Variants in DDHD1 observed in about 807,000 individuals in gnomAD.
DDHD1 encodes the protein phospholipase DDHD1.
A neutral mutation model predicts 96.4 loss-of-function variants in DDHD1; 49 were observed. The ratio of observed to expected loss-of-function variants is 0.51; its 90% CI spans 0.40 to 0.64. DDHD1 has a LOEUF of 0.64. Ranked by LOEUF, DDHD1 falls within the 30% of genes least tolerant of loss-of-function variation. The pLI, the probability that DDHD1 is intolerant of heterozygous loss-of-function variation, is 0.00. For missense variants in DDHD1, 1,106 were observed against 1,161.2 expected, an observed-to-expected ratio of 0.95 and a Z score of 0.69; for synonymous variants, 442 against 446.5, an observed-to-expected ratio of 0.99 and a Z score of 0.13.
intron 8 of DDHD1, among the ~76,000 whole-genome samples, chr14:53,060,278 ATAGTC>A (rs1883436439): frequency 6.6e-6 from 1 of 152,208 alleles, no homozygotes; most frequent in Non-Finnish European, 1.5e-5. Flanking sequence ...GTCCTTTCCA[ATAGTC>A]TAGTCAATGC....
intron 4 of DDHD1, among the ~76,000 whole-genome samples, chr14:53,082,723 C>T (rs1045466350): frequency 5.4e-5 from 8 of 148,170 alleles, no homozygotes; most frequent in African/African-American, 2.0e-4. Context: ...CATGCCACCA[C>T]ACTCCAGCTT....
chr14:53,089,241 A>G (rs1029717642), intron 4 of DDHD1, among the ~76,000 whole-genome samples: 2 of 152,240 alleles, frequency 1.3e-5, no homozygotes, highest in African/African-American at 4.8e-5. Context: ...CATAATGCCA[A>G]AAGTAATTTA....
At position 53,152,388 on chromosome 14, in the gene DDHD1, G is replaced by A. The variant is rs755436693; in HGVS notation, c.711C>T (p.Phe237=). Residue 237 remains phenylalanine, a synonymous_variant, in exon 1 of 13, where the codon TTC becomes TTT. Transcript: ENST00000673822. ...GCTCGTGCCCCGTCGTACTCTGGCA[G>A]AAGCCGCAGGCGCGGTCCTCATCGT... The part of the protein sequence containing the change: ...EDDDEDRACG[F]CQSTTGHEPE... The A allele has an allele frequency of 6.2e-7, 1 of 1,613,872 alleles. No individual in the cohort carries two copies. The highest frequency in any genetic ancestry group is 1.1e-5 in the South Asian group (1 of 91,082).
intron 1 of DDHD1, among the ~76,000 whole-genome samples, chr14:53,144,101 C>G (rs1207587280): frequency 6.6e-6 from 1 of 152,078 alleles, no homozygotes; most frequent in Admixed American, 6.6e-5. Flanking sequence ...TCTCCCCTAC[C>G]AAAACAAATA....
At chr14:53,089,199 T>C (rs900051063) in intron 4 of DDHD1, among the ~76,000 whole-genome samples, 2 of 152,182 alleles carry the variant, frequency 1.3e-5, no homozygotes, top group South Asian at 2.1e-4. Context: ...TCCATGCTCA[T>C]GAATAGGAAG....
rs60704615 is a variant in DDHD1, at chr14:53,113,390, CA to C, written c.839-9535del. On this transcript the variant is annotated intron_variant, in intron 1 of 12. Coordinates refer to ENST00000673822, the MANE Select transcript of DDHD1 (RefSeq NM_001160148.2). The stretch of plus-strand genomic sequence containing the variant: ...TAAAAAAAAAAACCCCTGTACAAGC[CA>C]AAAAAAAAAAAAAAAAAAAAAAGTA... 7.7e-3 allele frequency among the ~76,000 whole-genome samples: 910 copies of C among 117,614 alleles called. 2 individuals are homozygous for C. Among genetic ancestry groups the C allele is most frequent in the African/African-American group, 0.033 (836 of 25,082 alleles). The allele number at this position is 117,614 out of a possible 152,430, so 77.2% of individuals were successfully genotyped here. A position where few individuals can be genotyped will look rare whatever the true frequency, so the allele number is the denominator to read the frequency against.
chr14:53,103,348 A>G, intron 2 of DDHD1: 1 of 365,044 alleles, frequency 2.7e-6, no homozygotes, highest in Non-Finnish European at 4.8e-6. Context: ...TCTTGATATA[A>G]CAACAAGGAA....
At chr14:53,150,991 C>T (rs1891306016) in intron 1 of DDHD1, among the ~76,000 whole-genome samples, 1 of 152,062 alleles carries the variant, frequency 6.6e-6, no homozygotes, top group Admixed American at 6.6e-5. Context: ...AATTAAATTT[C>T]CTGCTATTAT....
intron 2 of DDHD1, among the ~76,000 whole-genome samples, chr14:53,097,319 T>C (rs1020121424): frequency 1.3e-5 from 2 of 151,968 alleles, no homozygotes; most frequent in African/African-American, 2.4e-5. Context: ...AATTGAGAAA[T>C]GCTTACAAGA....
chr14:53,140,833 G>C (rs1368687318), intron 1 of DDHD1, among the ~76,000 whole-genome samples: 1 of 152,056 alleles, frequency 6.6e-6, no homozygotes, highest in African/African-American at 2.4e-5. Flanking sequence ...CCAACAGATA[G>C]GTAAAGACAC....
At chr14:53,049,457 T>G (rs1440029698) in intron 12 of DDHD1, among the ~76,000 whole-genome samples, 1 of 152,086 alleles carries the variant, frequency 6.6e-6, no homozygotes, top group Non-Finnish European at 1.5e-5. Flanking sequence ...CTCTTTTAGG[T>G]AGATGACAGA....
chr14:53,055,522 C>T (rs1882967340), intron 10 of DDHD1, 138 bp downstream of exon 10: 2 of 824,014 alleles, frequency 2.4e-6, no homozygotes, highest in East Asian at 5.1e-5. Flanking sequence ...CAAATATGAA[C>T]ATTGGGAGGG....
intron 6 of DDHD1, among the ~76,000 whole-genome samples, chr14:53,069,016 C>G (rs940200879): frequency 6.6e-6 from 1 of 152,128 alleles, no homozygotes; most frequent in African/African-American, 2.4e-5. Flanking sequence ...TATTTATAGT[C>G]AATATGAACT....
chr14:53,112,403 G>A (rs189070718), intron 1 of DDHD1, among the ~76,000 whole-genome samples: 36 of 149,562 alleles, frequency 2.4e-4, no homozygotes, highest in Admixed American at 2.1e-3. Flanking sequence ...GCAACAGAGC[G>A]AGACTCCATC....
intron 10 of DDHD1, among the ~76,000 whole-genome samples, 157 bp downstream of exon 10, chr14:53,055,503 T>C (rs1187863202): frequency 6.6e-6 from 1 of 152,188 alleles, no homozygotes; most frequent in Non-Finnish European, 1.5e-5. Context: ...TTTAGAGCTT[T>C]TTGGGCCTCA....
intron 1 of DDHD1, among the ~76,000 whole-genome samples, chr14:53,119,554 A>G (rs919725611): frequency 3.3e-5 from 5 of 152,224 alleles, no homozygotes; most frequent in Admixed American, 6.5e-5. Context: ...AAAATCCTCA[A>G]TAGAATACTG....
intron 4 of DDHD1, among the ~76,000 whole-genome samples, chr14:53,076,191 G>A (rs10141729): frequency 0.034 from 5,102 of 152,168 alleles, 292 homozygotes; most frequent in African/African-American, 0.11. Context: ...TATTCCGGAA[G>A]GAACTCATCA....
Position 53,038,517 on chromosome 14 carries a change from A to G in DDHD1, c.*8251T>C, listed in dbSNP as rs1881421620. ...AAAACATGGCAGAAAGAAATCAGGG[A>G]TGAAACCAAAAAATGGAAAAACATT... On this transcript the variant is annotated 3_prime_UTR_variant, in exon 13 of 13. Transcript: ENST00000673822. The G allele has an allele frequency of 6.6e-6, 1 of 152,216 alleles. No individual in the cohort carries two copies. The highest frequency in any genetic ancestry group is 1.5e-5 in the Non-Finnish European group (1 of 68,040). 9.4% of individuals were successfully genotyped at this position (152,216 alleles called of 1,614,324 possible). A position where few individuals can be genotyped will look rare whatever the true frequency, so the allele number is the denominator to read the frequency against.
intron 1 of DDHD1, 138 bp downstream of exon 1, chr14:53,152,123 C>CGCCG: frequency 4.7e-6 from 4 of 842,112 alleles, no homozygotes; most frequent in Admixed American, 3.6e-5. Flanking sequence ...GCTCCCTGCT[C>CGCCG]AATCTCCATC....
Sources: gnomAD v4.1 joint callset for allele counts (sites outside exome capture counted in the v4.1 genomes callset) on GRCh38, gnomAD v4.1.1 for gene constraint, MANE v1.5 for transcripts, NCBI Gene and HGNC (gene_info 2026-07-23, HGNC 2026-07-21) for gene names.